The following CHRM5 variants were observed in gnomAD, a reference collection of about 807,000 sequenced individuals.
CHRM5 encodes muscarinic acetylcholine receptor M5.
A neutral mutation model predicts 39.0 loss-of-function variants in CHRM5; 18 were observed. The observed-to-expected ratio is 0.46, with a 90% CI of 0.32 to 0.68. The LOEUF (loss-of-function observed/expected upper bound fraction) is 0.68, where lower values mean the gene tolerates loss of function less well. Among genes scored for constraint, CHRM5 ranks in the 30% least tolerant of loss-of-function variants. CHRM5 has a pLI of 0.04. For missense variants in CHRM5, 515 were observed against 651.1 expected (o/e 0.79, Z 2.28); for synonymous variants, 241 against 246.3 (o/e 0.98, Z 0.20).
chr15:34,019,876 T>C (rs1370591401), intron 1 of CHRM5, among the ~76,000 whole-genome samples: 3 of 152,212 alleles, frequency 2.0e-5, no homozygotes, highest in Non-Finnish European at 2.9e-5. Context: ...CATTAAGCAA[T>C]ACATGACTAT....
At position 34,030,713 on chromosome 15, in the gene CHRM5, G is replaced by A. The variant is rs907426268; in HGVS notation, c.-407-15827G>A. Among the ~76,000 whole-genome samples, 3 of 152,074 alleles carry A rather than the reference G, an allele frequency of 2.0e-5. No individual in the cohort carries two copies. In the East Asian group the frequency reaches 5.8e-4, roughly 30 times the overall value. On this transcript the variant is annotated intron_variant, in intron 1 of 2. Transcript: ENST00000383263. ...AGCTCACTGCAACCTCCAACTCCTG[G>A]GTTAAAAATCTTCCTGCCTCGGCCT...
intron 2 of CHRM5, among the ~76,000 whole-genome samples, chr15:34,060,818 C>T (rs898598263): frequency 5.9e-5 from 9 of 152,014 alleles, no homozygotes; most frequent in Non-Finnish European, 8.8e-5. Flanking sequence ...TGCAGTGAGC[C>T]GAGATGGTGC....
At chr15:34,027,523 T>G in intron 1 of CHRM5, among the ~76,000 whole-genome samples, 1 of 112,668 alleles carries the variant, frequency 8.9e-6, no homozygotes, top group Non-Finnish European at 2.2e-5. Context: ...AGAGAGACTC[T>G]GTCTCAAAAA....
At chr15:34,048,037 T>TG (rs1899780435) in intron 2 of CHRM5, among the ~76,000 whole-genome samples, 5 of 77,124 alleles carry the variant, frequency 6.5e-5, no homozygotes, top group Non-Finnish European at 1.0e-4. Context: ...GTGTGTGTGT[T>TG]TGTGTGTGTG....
intron 1 of CHRM5, among the ~76,000 whole-genome samples, chr15:34,038,587 A>T (rs1371689793): frequency 1.3e-5 from 2 of 148,626 alleles, no homozygotes; most frequent in South Asian, 2.1e-4. Context: ...CACGAGGGCC[A>T]AGCGCATACC....
chr15:34,051,769 C>T (rs1183939812), intron 2 of CHRM5, among the ~76,000 whole-genome samples: 31 of 152,002 alleles, frequency 2.0e-4, no homozygotes, highest in Non-Finnish European at 2.9e-5. Flanking sequence ...AACACATACA[C>T]CCTCCCAAGA....
At chr15:33,999,265 G>A (rs1323558198) in intron 1 of CHRM5, among the ~76,000 whole-genome samples, 2 of 152,198 alleles carry the variant, frequency 1.3e-5, no homozygotes, top group African/African-American at 2.4e-5. Flanking sequence ...ATTCTCCCAA[G>A]GCCAACTCTC....
Position 34,017,497 on chromosome 15 carries a change from T to TTTTTTTG in CHRM5, c.-407-29040_-407-29039insTTTGTTT, listed in dbSNP as rs1555516619. ...GATTTTTTTTTTGTTTTTTTTTTTT[T>TTTTTTTG]TTTGAGACAGGGTCTTGCTATGTCA... On this transcript the variant is annotated intron_variant, in intron 1 of 2. Coordinates refer to ENST00000383263, the MANE Select transcript of CHRM5 (RefSeq NM_012125.4). Among the ~76,000 whole-genome samples, 375 of 133,214 alleles carry TTTTTTTG rather than the reference T, an allele frequency of 2.8e-3. 1 individual carries two copies. The highest frequency in any genetic ancestry group is 4.5e-3 in the Non-Finnish European group (270 of 60,204). 87.4% of individuals were successfully genotyped at this position (133,214 alleles called of 152,430 possible). A position where few individuals can be genotyped will look rare whatever the true frequency, so the allele number is the denominator to read the frequency against.
rs539010882 is a variant in CHRM5, at chr15:34,046,848, C to T, written c.-99C>T. The stretch of plus-strand genomic sequence containing the variant: ...GGGAGCAGCACAGAGCCAAAGGAAC[C>T]CCCACCTCCAGCCAAGGGAAGCGGT... On this transcript the variant is annotated 5_prime_UTR_variant, in exon 2 of 3. Coordinates refer to ENST00000383263, the MANE Select transcript of CHRM5 (RefSeq NM_012125.4). 6.6e-6 allele frequency: 1 copy of T among 152,380 alleles called. No individual in the cohort carries two copies. Among genetic ancestry groups the T allele is most frequent in the East Asian group, 1.9e-4 (1 of 5,180 alleles). 9.4% of individuals were successfully genotyped at this position (152,380 alleles called of 1,614,324 possible).
intron 1 of CHRM5, among the ~76,000 whole-genome samples, chr15:33,981,779 T>C (rs1223321722): frequency 6.6e-6 from 1 of 152,212 alleles, no homozygotes; most frequent in African/African-American, 2.4e-5. Context: ...CTATTTTGAA[T>C]TTAAACAAAA....
At chr15:33,991,619 T>C (rs1327655011) in intron 1 of CHRM5, 1 of 152,036 alleles carries the variant, frequency 6.6e-6, no homozygotes, top group African/African-American at 2.4e-5. Context: ...CACCCACATA[T>C]CCTTTTCTCA....
chr15:34,025,712 GA>G (rs200928981), intron 1 of CHRM5, among the ~76,000 whole-genome samples: 2,328 of 151,812 alleles, frequency 0.015, 71 homozygotes, highest in African/African-American at 0.053. Context: ...AGGTTCAGAA[GA>G]AAAAAAAATT....
chr15:34,028,056 C>T (rs1898576964), intron 1 of CHRM5, among the ~76,000 whole-genome samples: 1 of 152,100 alleles, frequency 6.6e-6, no homozygotes, highest in East Asian at 1.9e-4. Flanking sequence ...GTGTAAATTT[C>T]CTAGCAGAGC....
At chr15:33,983,160 A>ATGTG (rs1491327104) in intron 1 of CHRM5, among the ~76,000 whole-genome samples, 8 of 64,536 alleles carry the variant, frequency 1.2e-4, no homozygotes, top group African/African-American at 6.6e-4. Context: ...GTGTGTGTGT[A>ATGTG]TGTGTGTGTG....
At chr15:34,054,946 A>T (rs939943703) in intron 2 of CHRM5, among the ~76,000 whole-genome samples, 1 of 152,106 alleles carries the variant, frequency 6.6e-6, no homozygotes, top group Non-Finnish European at 1.5e-5. Context: ...TAATCCCAGC[A>T]CTTTGGGAGG....
intron 1 of CHRM5, among the ~76,000 whole-genome samples, chr15:34,006,378 G>A (rs868717887): frequency 1.3e-5 from 2 of 151,468 alleles, no homozygotes; most frequent in Admixed American, 6.6e-5. Flanking sequence ...GAAAACACCA[G>A]CAGGGTTTTG....
intron 1 of CHRM5, among the ~76,000 whole-genome samples, chr15:34,045,389 T>C (rs1448270716): frequency 6.6e-6 from 1 of 152,222 alleles, no homozygotes; most frequent in African/African-American, 2.4e-5. Context: ...GAGTTAGATA[T>C]ATCTTACTTT....
intron 2 of CHRM5, among the ~76,000 whole-genome samples, chr15:34,049,082 G>A (rs1467479879): frequency 6.6e-6 from 1 of 152,172 alleles, no homozygotes; most frequent in Non-Finnish European, 1.5e-5. Flanking sequence ...AGGTAGATAA[G>A]CCCACAAAGA....
In CHRM5 at chr15:34,063,970, T is replaced by C. The variant is rs1362918745; in HGVS notation, c.1253T>C (p.Leu418Pro). The change falls in exon 3 of 3, where the codon CTC (leucine) becomes CCC (proline). Residue 418 changes from leucine to proline, a missense_variant. Coordinates refer to ENST00000383263, the MANE Select transcript of CHRM5 (RefSeq NM_012125.4). The surrounding 1 kb of genome is among the most constrained non-coding windows in gnomAD (Gnocchi z 4.1). ...PVAKEPSTKG[L>P]NPNPSHQMTK... ...GCCAAGGAACCTTCAACGAAAGGCC[T>C]CAATCCCAACCCCAGCCATCAAATG... The C allele has an allele frequency of 6.2e-7, 1 of 1,614,148 alleles. No individual in the cohort carries two copies. The highest frequency in any genetic ancestry group is 2.2e-5 in the East Asian group (1 of 44,878).
Sources: allele counts gnomAD v4.1 joint callset (sites outside exome capture counted in the v4.1 genomes callset), GRCh38; gene constraint gnomAD v4.1.1; non-coding constraint Gnocchi (gnomAD v3.1); transcripts MANE v1.5; gene names NCBI Gene and HGNC (gene_info 2026-07-23, HGNC 2026-07-21).